Variants in MGAT5 observed in about 807,000 individuals in gnomAD.
The protein encoded by MGAT5 is alpha-1,6-mannosylglycoprotein 6-beta-N-acetylglucosaminyltransferase.
Under a neutral mutation model 94.3 loss-of-function variants are expected in MGAT5, and 30 were observed. The ratio of observed to expected loss-of-function variants is 0.32; its 90% CI spans 0.24 to 0.43. The LOEUF is 0.43. Among genes scored for constraint, MGAT5 ranks in the 20% least tolerant of loss-of-function variants. MGAT5 has a pLI of 1.00. For missense variants in MGAT5, 691 were observed against 905.5 expected (o/e 0.76, Z 3.04); for synonymous variants, 310 against 322.9 (o/e 0.96, Z 0.43).
chr2:134,445,251 C>T (rs1264761458), intron 15 of MGAT5, among the ~76,000 whole-genome samples: 2 of 151,994 alleles, frequency 1.3e-5, no homozygotes, highest in East Asian at 3.9e-4. Flanking sequence ...TCAGGCAGGG[C>T]CAAGGGCAGA....
intron 1 of MGAT5, among the ~76,000 whole-genome samples, chr2:134,232,916 C>G (rs771938401): frequency 6.6e-6 from 1 of 152,066 alleles, no homozygotes. Context: ...GAATTATATC[C>G]CCAAAGAGTT....
intron 10 of MGAT5, among the ~76,000 whole-genome samples, chr2:134,394,257 CT>C (rs1256889715): frequency 6.6e-6 from 1 of 152,194 alleles, no homozygotes; most frequent in Non-Finnish European, 1.5e-5. Context: ...AAAGCAATTA[CT>C]TTTCATCCTG....
intron 11 of MGAT5, among the ~76,000 whole-genome samples, chr2:134,404,647 T>G (rs776766102): frequency 2.0e-5 from 3 of 152,208 alleles, no homozygotes; most frequent in Non-Finnish European, 4.4e-5. Flanking sequence ...TGCCTCAGTT[T>G]CTCCATCTGT....
intron 4 of MGAT5, among the ~76,000 whole-genome samples, chr2:134,326,112 T>G (rs1687633682): frequency 2.6e-5 from 4 of 151,610 alleles, no homozygotes; most frequent in African/African-American, 7.3e-5. Context: ...ATTAATTCAT[T>G]AAAGGTACCT....
intron 1 of MGAT5, among the ~76,000 whole-genome samples, chr2:134,123,093 A>G (rs1324278872): frequency 1.3e-5 from 2 of 152,228 alleles, no homozygotes; most frequent in East Asian, 1.9e-4. Context: ...AGGGACCTCA[A>G]GAGATCACAG....
intron 2 of MGAT5, among the ~76,000 whole-genome samples, chr2:134,294,068 G>A (rs1014240528): frequency 1.3e-5 from 2 of 152,182 alleles, no homozygotes; most frequent in Non-Finnish European, 2.9e-5. Context: ...TCAGTGTAAA[G>A]ATGTGTCACT....
At chr2:134,127,490 A>G (rs1033420426) in intron 1 of MGAT5, among the ~76,000 whole-genome samples, 3 of 144,188 alleles carry the variant, frequency 2.1e-5, no homozygotes, top group Non-Finnish European at 4.5e-5. Context: ...TTCAAGGAAA[A>G]GGTTTCCCCC....
In MGAT5 at chr2:134,236,907, G is replaced by A. The variant is rs1331071424; in HGVS notation, c.-142-17355G>A. Among the ~76,000 whole-genome samples, 7 of 152,248 alleles carry A rather than the reference G, an allele frequency of 4.6e-5. No homozygotes were observed. In the South Asian group the frequency reaches 1.2e-3, roughly 27 times the overall value. On this transcript the variant is annotated intron_variant, in intron 1 of 16. Transcript: ENST00000409645. ...CCTTCCATGAATATTTGTCTGATGAGGTTGCAACTCTCTAGTTGGCCTCTT... is the reference window on the plus strand; with the variant it reads ...CCTTCCATGAATATTTGTCTGATGAAGTTGCAACTCTCTAGTTGGCCTCTT...
chr2:134,419,490 T>TGTG (rs1684179569), intron 12 of MGAT5, among the ~76,000 whole-genome samples: 2 of 67,972 alleles, frequency 2.9e-5, no homozygotes, highest in Non-Finnish European at 6.2e-5. Context: ...GTGTGTGTGT[T>TGTG]TCCATAAAGA....
chr2:134,184,464 TTC>T (rs2105190196), intron 1 of MGAT5, among the ~76,000 whole-genome samples: 1 of 152,342 alleles, frequency 6.6e-6, no homozygotes, highest in South Asian at 2.1e-4. Flanking sequence ...CCCCACCATC[TTC>T]TCTTTGTCCT....
chr2:134,431,716 A>G (rs963592563), intron 14 of MGAT5, among the ~76,000 whole-genome samples: 2 of 152,138 alleles, frequency 1.3e-5, no homozygotes, highest in Non-Finnish European at 1.5e-5. Context: ...CTGCAAGGAG[A>G]ACACAGAAGC....
chr2:134,145,482 C>G (rs1686876744), intron 1 of MGAT5, among the ~76,000 whole-genome samples: 1 of 152,136 alleles, frequency 6.6e-6, no homozygotes, highest in Admixed American at 6.5e-5. Flanking sequence ...GGAGGTGGAG[C>G]CTGTAGTGAG....
chr2:134,238,036 A>G (rs563462746), intron 1 of MGAT5, among the ~76,000 whole-genome samples: 49 of 152,230 alleles, frequency 3.2e-4, no homozygotes, highest in African/African-American at 1.0e-3. Context: ...GGCGTGAGCC[A>G]CTGCGCCCGG....
intron 10 of MGAT5, among the ~76,000 whole-genome samples, chr2:134,366,748 G>A (rs1680455839): frequency 6.6e-6 from 1 of 152,234 alleles, no homozygotes; most frequent in Admixed American, 6.5e-5. Flanking sequence ...CCGGTGGGCT[G>A]TTGGAAGAGC....
intron 2 of MGAT5, among the ~76,000 whole-genome samples, chr2:134,282,348 GC>G (rs1432111576): frequency 6.6e-6 from 1 of 152,148 alleles, no homozygotes; most frequent in Admixed American, 6.5e-5. Context: ...GGGTTTTCAT[GC>G]CCCCGGGCTA....
At chr2:134,355,405 G>T (rs187455671) in intron 9 of MGAT5, among the ~76,000 whole-genome samples, 1 of 151,864 alleles carries the variant, frequency 6.6e-6, no homozygotes. Flanking sequence ...TCTTCTACAC[G>T]CAAGTGGCTA....
intron 2 of MGAT5, among the ~76,000 whole-genome samples, chr2:134,288,444 T>C (rs141985112): frequency 6.6e-6 from 1 of 151,978 alleles, no homozygotes; most frequent in Non-Finnish European, 1.5e-5. Flanking sequence ...CACATCACAA[T>C]ATCAGAAATT....
intron 10 of MGAT5, among the ~76,000 whole-genome samples, chr2:134,387,328 ATATATTTTTTT>A (rs1274457069): frequency 4.7e-4 from 19 of 40,266 alleles, no homozygotes; most frequent in African/African-American, 2.5e-3. Context: ...ATATATATAT[ATATATTTTTTT>A]TTTTTTTTTT....
At chr2:134,163,835 T>C (rs1687848222) in intron 1 of MGAT5, among the ~76,000 whole-genome samples, 1 of 152,222 alleles carries the variant, frequency 6.6e-6, no homozygotes, top group Non-Finnish European at 1.5e-5. Context: ...CAAAGTCATC[T>C]AAAGGACTTG....
Sources: gnomAD v4.1 joint callset for allele counts (sites outside exome capture counted in the v4.1 genomes callset) on GRCh38, gnomAD v4.1.1 for gene constraint, MANE v1.5 for transcripts, NCBI Gene and HGNC (gene_info 2026-07-23, HGNC 2026-07-21) for gene names.